Variants in RPS6KC1 observed in about 807,000 individuals in gnomAD.
The protein encoded by RPS6KC1 is inactive ribosomal protein S6 kinase delta-1.
A neutral mutation model predicts 103.8 loss-of-function variants in RPS6KC1; 54 were observed. The ratio of observed to expected loss-of-function variants is 0.52; its 90% confidence interval spans 0.42 to 0.65. RPS6KC1 has a LOEUF of 0.65. RPS6KC1 is among the 30% of genes least tolerant of loss of function. The probability of loss-of-function intolerance (pLI) is 0.00; values close to 1 mark genes in which losing one functional copy is unlikely to be tolerated. For missense variants in RPS6KC1, 1,151 were observed against 1,253.8 expected (o/e 0.92, Z 1.24); for synonymous variants, 439 against 438.7 (o/e 1.00, Z -0.01).
At chr1:213,213,993 TG>T (rs1177900173) in intron 8 of RPS6KC1, among the ~76,000 whole-genome samples, 1 of 152,206 alleles carries the variant, frequency 6.6e-6, no homozygotes, top group Non-Finnish European at 1.5e-5. Context: ...ACTGAGGTAC[TG>T]GGTTCATCTC....
At chr1:213,211,478 C>T (rs2093504502) in intron 8 of RPS6KC1, among the ~76,000 whole-genome samples, 1 of 152,150 alleles carries the variant, frequency 6.6e-6, no homozygotes, top group Non-Finnish European at 1.5e-5. Context: ...TGTTTTAAAC[C>T]CAATTTCTCT....
the RPS6KC1 span, among the ~76,000 whole-genome samples, chr1:213,327,112 G>A: frequency 2.1e-5 from 3 of 146,026 alleles, no homozygotes; most frequent in African/African-American, 7.6e-5. Context: ...TCCAACTCTT[G>A]AATGCTCCTT....
the RPS6KC1 span, among the ~76,000 whole-genome samples, chr1:213,347,905 A>G: frequency 6.6e-6 from 1 of 152,302 alleles, no homozygotes; most frequent in African/African-American, 2.4e-5. Flanking sequence ...TGGCAATAGG[A>G]CATAGCCATC....
chr1:213,182,215 G>A (rs2092305266), intron 8 of RPS6KC1, among the ~76,000 whole-genome samples: 1 of 152,108 alleles, frequency 6.6e-6, no homozygotes, highest in South Asian at 2.1e-4. Flanking sequence ...ATATAGGTTG[G>A]GTGCAGTGGC....
chr1:213,065,292 G>T (rs1022790626), intron 1 of RPS6KC1, among the ~76,000 whole-genome samples: 1 of 152,180 alleles, frequency 6.6e-6, no homozygotes, highest in Admixed American at 6.5e-5. Flanking sequence ...AACTTTTAAT[G>T]AAAACAGTCA....
chr1:213,116,594 T>C (rs1338305068), intron 4 of RPS6KC1, among the ~76,000 whole-genome samples: 2 of 150,488 alleles, frequency 1.3e-5, no homozygotes, highest in Admixed American at 6.6e-5. Context: ...ATCCTGTCAT[T>C]ATGATGTTAG....
the RPS6KC1 span, among the ~76,000 whole-genome samples, chr1:213,714,414 G>A: frequency 6.6e-6 from 1 of 152,152 alleles, no homozygotes; most frequent in Non-Finnish European, 1.5e-5. Flanking sequence ...TCCCTTTTAT[G>A]CTGCTTATTT....
chr1:213,416,633 A>C, the RPS6KC1 span, among the ~76,000 whole-genome samples: 1 of 152,144 alleles, frequency 6.6e-6, no homozygotes, highest in Non-Finnish European at 1.5e-5. Context: ...CTCCCCTGTC[A>C]CAGTCCCACT....
At chr1:213,599,233 T>C in the RPS6KC1 span, among the ~76,000 whole-genome samples, 1 of 152,198 alleles carries the variant, frequency 6.6e-6, no homozygotes, top group Non-Finnish European at 1.5e-5. Flanking sequence ...AGGGAGCTGG[T>C]GATCAATAAG....
chr1:213,383,702 C>T, the RPS6KC1 span, among the ~76,000 whole-genome samples: 1 of 151,908 alleles, frequency 6.6e-6, no homozygotes, highest in African/African-American at 2.4e-5. Flanking sequence ...TATTAGTGTC[C>T]CTATAAGAAG....
At chr1:213,416,645 C>G in the RPS6KC1 span, among the ~76,000 whole-genome samples, 1 of 152,228 alleles carries the variant, frequency 6.6e-6, no homozygotes, top group Non-Finnish European at 1.5e-5. Flanking sequence ...AGTCCCACTG[C>G]CACACCCAGA....
chr1:213,129,442 T>C, intron 5 of RPS6KC1, 85 bp from the exon 6 acceptor site: 1 of 1,406,538 alleles, frequency 7.1e-7, no homozygotes, highest in Non-Finnish European at 9.6e-7. Context: ...TTGGATAATA[T>C]GAAAAATGAA....
the RPS6KC1 span, among the ~76,000 whole-genome samples, chr1:213,846,163 G>T: frequency 6.6e-6 from 1 of 151,446 alleles, no homozygotes; most frequent in Non-Finnish European, 1.5e-5. Flanking sequence ...AGCCTGGCGT[G>T]GTGGCACTTG....
intron 8 of RPS6KC1, among the ~76,000 whole-genome samples, chr1:213,203,696 A>G (rs2148600592): frequency 6.6e-6 from 1 of 152,304 alleles, no homozygotes; most frequent in East Asian, 1.9e-4. Context: ...AAGCTAAAAA[A>G]AGGTATAATT....
the RPS6KC1 span, among the ~76,000 whole-genome samples, chr1:213,632,848 C>T: frequency 6.6e-6 from 1 of 152,128 alleles, no homozygotes; most frequent in Non-Finnish European, 1.5e-5. Flanking sequence ...TAGAGAAGAC[C>T]TTAAATGACC....
chr1:213,845,550 C>T, the RPS6KC1 span, among the ~76,000 whole-genome samples: 1 of 152,178 alleles, frequency 6.6e-6, no homozygotes, highest in Admixed American at 6.5e-5. Flanking sequence ...TACCAATGGA[C>T]TTTGTCTCTA....
At chr1:213,181,726 T>C (rs1210050439) in intron 8 of RPS6KC1, among the ~76,000 whole-genome samples, 1 of 152,208 alleles carries the variant, frequency 6.6e-6, no homozygotes, top group African/African-American at 2.4e-5. Flanking sequence ...ACCAGAATTC[T>C]ATATCCTGTG....
chr1:213,126,503 T>C (rs2148969555), intron 5 of RPS6KC1, among the ~76,000 whole-genome samples: 1 of 152,256 alleles, frequency 6.6e-6, no homozygotes, highest in Middle Eastern at 3.4e-3. Context: ...ATTAGAAATT[T>C]GAGCTTAGTG....
At chr1:213,662,094 C>G in the RPS6KC1 span, among the ~76,000 whole-genome samples, 1 of 151,946 alleles carries the variant, frequency 6.6e-6, no homozygotes, top group East Asian at 1.9e-4. Flanking sequence ...AGGTCTTTCC[C>G]GGAACTTCTT....
Sources: gnomAD v4.1 joint callset for allele counts (sites outside exome capture counted in the v4.1 genomes callset) on GRCh38, gnomAD v4.1.1 for gene constraint, MANE v1.5 for transcripts, NCBI Gene and HGNC (gene_info 2026-07-23, HGNC 2026-07-21) for gene names.